Variants in KREMEN1 observed in about 807,000 individuals in gnomAD.
KREMEN1 encodes the protein kremen protein 1.
Under a neutral mutation model 46.5 loss-of-function variants are expected in KREMEN1, and 30 were observed. The observed-to-expected ratio is 0.65, with a 90% CI of 0.48 to 0.88. KREMEN1 has a LOEUF of 0.88. Ranked by LOEUF, KREMEN1 falls within the 40% of genes least tolerant of loss-of-function variation. KREMEN1 has a pLI of 0.00. For missense variants in KREMEN1, 533 were observed against 596.9 expected (o/e 0.89, Z 1.11); for synonymous variants, 214 against 230.6 (o/e 0.93, Z 0.65).
At chr22:29,086,633 A>T (rs1284634879) in intron 1 of KREMEN1, among the ~76,000 whole-genome samples, 1 of 152,168 alleles carries the variant, frequency 6.6e-6, no homozygotes, top group Non-Finnish European at 1.5e-5. Flanking sequence ...CTGAGGGCAA[A>T]GGGTAGTCTG....
In KREMEN1 at chr22:29,143,345, C is replaced by G. The variant is rs117583100; in HGVS notation, c.*1233C>G. ...TGATTGGCTCAGCTAACTCTCAGTTCAGAGTGGAGAGTATCAATCTTGTGT... is the reference window on the plus strand; with the variant it reads ...TGATTGGCTCAGCTAACTCTCAGTTGAGAGTGGAGAGTATCAATCTTGTGT... On this transcript the variant is annotated 3_prime_UTR_variant, in exon 9 of 9. Transcript: ENST00000400335. The G allele has an allele frequency of 6.1e-6, 6 of 985,442 alleles. No individual in the cohort carries two copies. The East Asian group carries it at 6.8e-4, about 112-fold the overall frequency. 61.0% of individuals were successfully genotyped at this position (985,442 alleles called of 1,614,324 possible).
rs1300388307 is a variant in KREMEN1, at chr22:29,138,680, G to A, written c.1021G>A (p.Val341Met). The change falls in exon 7 of 9, where the codon GTG becomes ATG. Residue 341 changes from valine (V) to methionine (M), a missense_variant. Val to Met is a conservative substitution (Grantham distance 21, BLOSUM62 1). Transcript: ENST00000400335. The stretch of plus-strand genomic sequence containing the variant: ...CGCTGTCAACCAGACGGTGGCCGAG[G>A]TGATCACGGAGCAGGCCAACCTCAG... Reference protein sequence around the residue: ...RPAVNQTVAEVITEQANLSVS... With the variant: ...RPAVNQTVAEMITEQANLSVS... 5 of 1,614,212 alleles carry A rather than the reference G, an allele frequency of 3.1e-6. No individual in the cohort carries two copies. The South Asian group carries it at 4.4e-5, about 14-fold the overall frequency.
Position 29,073,736 on chromosome 22 carries a change from C to T in KREMEN1, c.97+509C>T, listed in dbSNP as rs1341872144. On this transcript the variant is annotated intron_variant, in intron 1 of 8. Transcript: ENST00000400335. The surrounding 1 kb of genome is among the most constrained non-coding windows in gnomAD (Gnocchi z 4.4). ...TCCCGTCCCAAAATCCCCAGCGACT[C>T]CCCACGGGCCAGGAGGCCCCCTGCT... Among the ~76,000 whole-genome samples, 7 of 151,662 alleles carry T rather than the reference C, an allele frequency of 4.6e-5. No homozygotes were observed. Among genetic ancestry groups the T allele is most frequent in the African/African-American group, 1.7e-4 (7 of 41,288 alleles).
chr22:29,112,963 C>G (rs1249000596), intron 3 of KREMEN1, among the ~76,000 whole-genome samples: 1 of 152,210 alleles, frequency 6.6e-6, no homozygotes, highest in Non-Finnish European at 1.5e-5. Flanking sequence ...CAGTGGCCCC[C>G]TCAGAGGCTG....
chr22:29,136,487 T>G (rs145527051), intron 5 of KREMEN1, among the ~76,000 whole-genome samples: 1,591 of 151,530 alleles, frequency 0.01, 28 homozygotes, highest in African/African-American at 0.037. Context: ...GACAGGAGAA[T>G]TGGTGTGAAC....
chr22:29,117,240 C>T (rs2038254664), intron 3 of KREMEN1, among the ~76,000 whole-genome samples: 1 of 152,016 alleles, frequency 6.6e-6, no homozygotes, highest in East Asian at 1.9e-4. Flanking sequence ...TTAAACTGGA[C>T]CATGCTGTTT....
chr22:29,144,100 T>A lies in KREMEN1; in HGVS notation c.*1988T>A. ...TCTGCTGGCCAGGCCTAGGCCCTCG[T>A]CAGAGCGTGCCTCTCCACAAGGCAC... On this transcript the variant is annotated 3_prime_UTR_variant, in exon 9 of 9. Coordinates refer to ENST00000400335, the MANE Select transcript of KREMEN1 (RefSeq NM_001039570.3). 1.0e-6 allele frequency: 1 copy of A among 985,516 alleles called. No homozygotes were observed. The highest frequency in any genetic ancestry group is 1.2e-6 in the Non-Finnish European group (1 of 829,976). The allele number at this position is 985,516 out of a possible 1,614,324, so 61.0% of individuals were successfully genotyped here.
intron 9 of KREMEN1, chr22:29,154,363 C>G (rs1219913744): frequency 6.6e-6 from 1 of 152,184 alleles, no homozygotes; most frequent in Non-Finnish European, 1.5e-5. Context: ...GTGAAAATAC[C>G]CTTTTCTGCC....
chr22:29,082,993 A>T (rs551418176), intron 1 of KREMEN1, among the ~76,000 whole-genome samples: 10 of 152,200 alleles, frequency 6.6e-5, no homozygotes, highest in Non-Finnish European at 1.2e-4. Context: ...GCATGATTAC[A>T]GCTCACTGCA....
intron 1 of KREMEN1, among the ~76,000 whole-genome samples, chr22:29,081,392 C>A (rs1023106619): frequency 6.6e-6 from 1 of 152,068 alleles, no homozygotes; most frequent in African/African-American, 2.4e-5. Context: ...AGACAAACAC[C>A]AAATAATTTT....
intron 1 of KREMEN1, among the ~76,000 whole-genome samples, chr22:29,079,829 C>G (rs1476351285): frequency 1.3e-5 from 2 of 152,170 alleles, no homozygotes; most frequent in African/African-American, 4.8e-5. Context: ...ACATGGCAAC[C>G]AAGTAGTTCT....
At chr22:29,153,810 G>A (rs1231419178) in intron 9 of KREMEN1, among the ~76,000 whole-genome samples, 2 of 152,014 alleles carry the variant, frequency 1.3e-5, no homozygotes, top group African/African-American at 2.4e-5. Context: ...TTGAAACCCC[G>A]TCTCTACTAA....
At chr22:29,141,902 G>C (rs938330921) in intron 8 of KREMEN1, 42 bp from the exon 9 acceptor site, 19 of 1,474,294 alleles carry the variant, frequency 1.3e-5, no homozygotes, top group Non-Finnish European at 1.6e-5. Context: ...GGTTGTTTGC[G>C]TTGTTCTAAT....
Position 29,143,847 on chromosome 22 carries a change from C to G in KREMEN1, c.*1735C>G. 1.0e-6 allele frequency: 1 copy of G among 985,472 alleles called. No homozygotes were observed. Among genetic ancestry groups the G allele is most frequent in the Non-Finnish European group, 1.2e-6 (1 of 830,016 alleles). The allele number at this position is 985,472 out of a possible 1,614,324, so 61.0% of individuals were successfully genotyped here. A position where few individuals can be genotyped will look rare whatever the true frequency, so the allele number is the denominator to read the frequency against. ...GTGGGGAAGGAGAGCACTCTTGTCC[C>G]CAGTCCCTTGCCACCCTGTCCCTTA... is the stretch of plus-strand genomic sequence containing the variant. On this transcript the variant is annotated 3_prime_UTR_variant, in exon 9 of 9. Coordinates refer to ENST00000400335, the MANE Select transcript of KREMEN1 (RefSeq NM_001039570.3).
intron 4 of KREMEN1, among the ~76,000 whole-genome samples, chr22:29,123,114 A>G (rs905170641): frequency 6.6e-6 from 1 of 152,084 alleles, no homozygotes; most frequent in Non-Finnish European, 1.5e-5. Flanking sequence ...AGACGATATA[A>G]GAGAAAATCT....
In KREMEN1 at chr22:29,145,106, T is replaced by C; in HGVS notation, c.*2994T>C. 7 of 985,716 alleles carry C rather than the reference T, an allele frequency of 7.1e-6. No individual in the cohort carries two copies. The highest frequency in any genetic ancestry group is 8.4e-6 in the Non-Finnish European group (7 of 830,072). The allele number at this position is 985,716 out of a possible 1,614,324, so 61.1% of individuals were successfully genotyped here. A position where few individuals can be genotyped will look rare whatever the true frequency, so the allele number is the denominator to read the frequency against. ...GGCTATGGACTCAGTTAGAACCAGG[T>C]AGAAAGTCAGCGACACCCCACAGAA... On this transcript the variant is annotated 3_prime_UTR_variant, in exon 9 of 9. Coordinates refer to ENST00000400335, the MANE Select transcript of KREMEN1 (RefSeq NM_001039570.3).
At chr22:29,152,916 A>C (rs566547141) in intron 9 of KREMEN1, among the ~76,000 whole-genome samples, 5 of 152,354 alleles carry the variant, frequency 3.3e-5, no homozygotes, top group Admixed American at 2.6e-4. Context: ...GGGCTACTCC[A>C]TAGGGAGAGC....
At chr22:29,080,993 A>ATT (rs1397503789) in intron 1 of KREMEN1, among the ~76,000 whole-genome samples, 6 of 108,762 alleles carry the variant, frequency 5.5e-5, no homozygotes, top group African/African-American at 1.8e-4. Context: ...CCAGCAATGA[A>ATT]TTTTTTTTTT....
chr22:29,089,305 G>T (rs185694076), intron 1 of KREMEN1, among the ~76,000 whole-genome samples: 7 of 120,324 alleles, frequency 5.8e-5, no homozygotes, highest in African/African-American at 2.2e-4. Flanking sequence ...TACAGTAAAT[G>T]GTATCACTAC....
Sources: gnomAD v4.1 joint callset for allele counts (sites outside exome capture counted in the v4.1 genomes callset) on GRCh38, gnomAD v4.1.1 for gene constraint, Gnocchi (gnomAD v3.1) non-coding constraint, MANE v1.5 for transcripts, NCBI Gene and HGNC (gene_info 2026-07-23, HGNC 2026-07-21) for gene names.